HDAC7: variants seen among roughly 807,000 people sequenced by gnomAD.
The protein encoded by HDAC7 is histone deacetylase 7, also known as histone deacetylase 7A.
Under a neutral mutation model 115.5 loss-of-function variants are expected in HDAC7, and 26 were observed. The ratio of observed to expected loss-of-function variants is 0.23; its 90% CI spans 0.16 to 0.31. The LOEUF (loss-of-function observed/expected upper bound fraction) is 0.31. Among genes scored for constraint, HDAC7 ranks in the 10% least tolerant of loss-of-function variants. The pLI, the probability that HDAC7 is intolerant of heterozygous loss-of-function variation, is 1.00. For synonymous variants in HDAC7, 564 were observed against 550.9 expected (o/e 1.02, Z -0.33); for missense variants, 1,068 against 1,329.0 (o/e 0.80, Z 3.05).
At chr12:47,789,791 A>G (rs1592638051) in intron 17 of HDAC7, 22 bp downstream of exon 17, 2 of 1,584,704 alleles carry the variant, frequency 1.3e-6, no homozygotes, top group Admixed American at 1.7e-5. Flanking sequence ...TGGTGTGTCC[A>G]CCTTCAACCC....
At chr12:47,789,759 C>A (rs1011432833) in intron 17 of HDAC7, 54 bp downstream of exon 17, 1 of 1,448,100 alleles carries the variant, frequency 6.9e-7, no homozygotes, top group Non-Finnish European at 9.7e-7. Context: ...TTCCCCACTA[C>A]CCCACTCTGC....
intron 13 of HDAC7, chr12:47,792,979 G>T: frequency 3.7e-6 from 1 of 268,928 alleles, no homozygotes; most frequent in Non-Finnish European, 7.3e-6. Flanking sequence ...GTGGGATACT[G>T]GTTGGTGATT....
At position 47,798,595 on chromosome 12, in the gene HDAC7, G is replaced by T. The variant is rs779766353; in HGVS notation, c.316C>A (p.Arg106=). 6.2e-7 allele frequency: 1 copy of T among 1,614,022 alleles called. No individual in the cohort carries two copies. The highest frequency in any genetic ancestry group is 1.7e-5 in the Admixed American group (1 of 60,014). The change falls in exon 4 of 26, where the codon CGG becomes AGG. Residue 106 remains arginine (R), a synonymous_variant. Transcript: ENST00000080059. This position sits in a 1 kb window ranked among gnomAD's most constrained non-coding sequence, Gnocchi z 4.3. ...LQVGPQEQEL[R]QLLHKDKSKR... ...CTCTTGTCCTTGTGGAGAAGCTGCC[G>T]CAGCTCTTGTTCCTGGGGTCCCACC...
chr12:47,808,602 CAG>C (rs2137043157), intron 1 of HDAC7, among the ~76,000 whole-genome samples: 1 of 152,256 alleles, frequency 6.6e-6, no homozygotes, highest in African/African-American at 2.4e-5. Context: ...CAGAGAAAAA[CAG>C]GGGTCCTCCC....
rs1410658868 is a variant in HDAC7, at chr12:47,791,700, G to T, written c.1819C>A (p.Arg607=). 3.7e-6 allele frequency: 6 copies of T among 1,613,588 alleles called. No homozygotes were observed. The highest frequency in any genetic ancestry group is 5.1e-6 in the Non-Finnish European group (6 of 1,179,908). The change falls in exon 15 of 26, where the codon CGA becomes AGA. Residue 607 remains arginine (R), a synonymous_variant. Coordinates refer to ENST00000080059, the MANE Select transcript of HDAC7 (RefSeq NM_015401.5). ...RGLRSQCECL[R]GRKASLEELQ... ...TCTTCCAGGGAGGCCTTCCGGCCTCGGAGACACTGAAAAGGGGACCACAGA... is the reference window on the plus strand; with the variant it reads ...TCTTCCAGGGAGGCCTTCCGGCCTCTGAGACACTGAAAAGGGGACCACAGA...
At position 47,795,265 on chromosome 12, in the gene HDAC7, G is replaced by C; in HGVS notation, c.1203C>G (p.Pro401=). 6.2e-7 allele frequency: 1 copy of C among 1,612,284 alleles called. No homozygotes were observed. The highest frequency in any genetic ancestry group is 8.5e-7 in the Non-Finnish European group (1 of 1,178,812). Residue 401 remains proline (P), a synonymous_variant, in exon 11 of 26, where the codon CCC becomes CCG. Coordinates refer to ENST00000080059, the MANE Select transcript of HDAC7 (RefSeq NM_015401.5). The surrounding 1 kb of genome is among the most constrained non-coding windows in gnomAD (Gnocchi z 4.3). ...PLSRTRSEPL[P]PSATAPPPPG... is the part of the protein sequence containing the mutation. ...GCGGTGGGGGAGCGGTGGCACTGGG[G>C]GGCAGGGGCTCTGAGCGAGTCCGGC...
At position 47,797,184 on chromosome 12, in the gene HDAC7, C is replaced by T. The variant is rs767068840; in HGVS notation, c.578-42G>A. 1.9e-6 allele frequency: 3 copies of T among 1,560,042 alleles called. No individual in the cohort carries two copies. Among genetic ancestry groups the T allele is most frequent in the Non-Finnish European group, 2.6e-6 (3 of 1,152,314 alleles). ...CGTCACTCAGGCCCCCACCACCCTT[C>T]TTTTTTCCACCCTTTAACCCCTCAG... On this transcript the variant is annotated intron_variant, in intron 6 of 25. Transcript: ENST00000080059. The surrounding 1 kb of genome is among the most constrained non-coding windows in gnomAD (Gnocchi z 5.5).
chr12:47,798,852 G>A lies in HDAC7; in HGVS notation c.191C>T (p.Pro64Leu), dbSNP rs1565569886. 3 of 1,559,058 alleles carry A rather than the reference G, an allele frequency of 1.9e-6. No individual in the cohort carries two copies. The highest frequency in any genetic ancestry group is 2.6e-6 in the Non-Finnish European group (3 of 1,151,556). Residue 64 changes from proline to leucine, a missense_variant, in exon 3 of 26, where the codon CCC becomes CTC. By Grantham distance (98) the Pro-to-Leu change is moderately conservative. This residue lies in a region of HDAC7 where 161 missense variants were observed against 158.5 expected (regional missense o/e 1.02). Transcript: ENST00000080059. This position sits in a 1 kb window ranked among gnomAD's most constrained non-coding sequence, Gnocchi z 4.3. Reference protein sequence around the residue: ...PEPTLLALQRPQRLHHHLFLA... With the variant: ...PEPTLLALQRLQRLHHHLFLA... ...GAAGAGGTGGTGGTGCAGGCGCTGG[G>A]GACGCTGCAGGGCCAGCAATGTGGG...
chr12:47,814,612 C>T (rs546297838), intron 1 of HDAC7, among the ~76,000 whole-genome samples: 2 of 152,346 alleles, frequency 1.3e-5, no homozygotes, highest in South Asian at 2.1e-4. Context: ...GCAGCTCCCC[C>T]TTCTGCTCTC....
chr12:47,807,215 C>T (rs1944443618), intron 1 of HDAC7, among the ~76,000 whole-genome samples: 1 of 152,136 alleles, frequency 6.6e-6, no homozygotes, highest in South Asian at 2.1e-4. Flanking sequence ...GTTAGGATTA[C>T]AGGCGTGAGC....
At position 47,797,499 on chromosome 12, in the gene HDAC7, T is replaced by G; in HGVS notation, c.462A>C (p.Arg154Ser). 6.2e-7 allele frequency: 1 copy of G among 1,607,502 alleles called. No individual in the cohort carries two copies. The highest frequency in any genetic ancestry group is 8.5e-7 in the Non-Finnish European group (1 of 1,176,022). Residue 154 changes from arginine to serine, a missense_variant and splice_region_variant, in exon 6 of 26, where the codon AGA becomes AGC. Physicochemically the swap from Arg to Ser is moderately radical, Grantham distance 110. This residue lies in a region of HDAC7 where 618 missense variants were observed against 701.5 expected (regional missense o/e 0.88). Transcript: ENST00000080059. The surrounding 1 kb of genome is among the most constrained non-coding windows in gnomAD (Gnocchi z 5.5). ...VHPNSPGIPYRTLEPLETEGA... is the reference protein window; with the variant it reads ...VHPNSPGIPYSTLEPLETEGA... ...CTTCCGTCTCCAGGGGCTCCAGGGT[T>G]CTACAGAACGAGTGCCAAGGCTGCT...
chr12:47,791,191 G>A, intron 16 of HDAC7, 68 bp downstream of exon 16: 7 of 1,423,612 alleles, frequency 4.9e-6, no homozygotes, highest in Non-Finnish European at 5.8e-6. Flanking sequence ...GGCTGGGCCT[G>A]GGAGAACCAC....
In HDAC7 at chr12:47,789,584, A is replaced by G. The variant is rs1371906281; in HGVS notation, c.2092-6T>C. On this transcript the variant is annotated splice_polypyrimidine_tract_variant and splice_region_variant and intron_variant, in intron 17 of 25. Transcript: ENST00000080059. Reference sequence around the variant, plus strand: ...CGCACCACAGCGAAACCATTCTGGAAAAAGAAAGAATGCTTGTCAATCAAC... The same window carrying G: ...CGCACCACAGCGAAACCATTCTGGAGAAAGAAAGAATGCTTGTCAATCAAC... 6.2e-7 allele frequency: 1 copy of G among 1,614,112 alleles called. No individual in the cohort carries two copies. Among genetic ancestry groups the G allele is most frequent in the Non-Finnish European group, 8.5e-7 (1 of 1,179,992 alleles).
At chr12:47,791,230 G>A (rs148395734) in intron 16 of HDAC7, 29 bp downstream of exon 16, 109 of 1,575,768 alleles carry the variant, frequency 6.9e-5, no homozygotes, top group Middle Eastern at 5.0e-4. Context: ...CCCTGGCAAC[G>A]CCCCCCTGAG....
rs373701724 is a variant in HDAC7 at position 47,798,270 on chromosome 12, C to T, written c.350-51G>A. ...CTGGAGGTGGGTGGACAGGCGGCCTCGTGGCACTACCTGGCCACTGCCCTG... is the reference window on the plus strand; with the variant it reads ...CTGGAGGTGGGTGGACAGGCGGCCTTGTGGCACTACCTGGCCACTGCCCTG... On this transcript the variant is annotated intron_variant, in intron 4 of 25. Transcript: ENST00000080059. This position sits in a 1 kb window ranked among gnomAD's most constrained non-coding sequence, Gnocchi z 4.3. 1.1e-5 allele frequency: 16 copies of T among 1,396,830 alleles called. No individual in the cohort carries two copies. The East Asian group carries it at 1.6e-4, about 14-fold the overall frequency. The allele number at this position is 1,396,830 out of a possible 1,614,324, so 86.5% of individuals were successfully genotyped here.
chr12:47,795,201 G>A lies in HDAC7; in HGVS notation c.1267C>T (p.His423Tyr). ...MQPRLEQLKT[H>Y]VQVIKRSAKP... ...CCTCTCACCTTGATCACCTGGACGT[G>A]AGTTTTGAGCTGCTCCAGGCGGGGC... Residue 423 changes from histidine to tyrosine, a missense_variant, in exon 11 of 26, where the codon CAC becomes TAC. This residue lies in a region of HDAC7 where 618 missense variants were observed against 701.5 expected (regional missense o/e 0.88). Transcript: ENST00000080059. This position sits in a 1 kb window ranked among gnomAD's most constrained non-coding sequence, Gnocchi z 4.3. 1 of 1,612,808 alleles carries A rather than the reference G, an allele frequency of 6.2e-7. No homozygotes were observed. The highest frequency in any genetic ancestry group is 8.5e-7 in the Non-Finnish European group (1 of 1,179,240).
At chr12:47,785,361 A>G in intron 24 of HDAC7, 26 bp downstream of exon 24, 4 of 1,578,958 alleles carry the variant, frequency 2.5e-6, no homozygotes, top group South Asian at 1.2e-5. Flanking sequence ...GTCTGAGCTC[A>G]GCGAGTGTCC....
intron 1 of HDAC7, among the ~76,000 whole-genome samples, chr12:47,812,375 A>G (rs946912173): frequency 6.6e-6 from 1 of 152,178 alleles, no homozygotes; most frequent in African/African-American, 2.4e-5. Context: ...AACATTCCCT[A>G]TCCCTGACCT....
At position 47,795,130 on chromosome 12, in the gene HDAC7, C is replaced by T. The variant is rs1318829623; in HGVS notation, c.1284+54G>A. ...CTAAGTACCCCTCTTCTTTTGGCCC[C>T]TAAGTCCCCAGTTAAACACTCCCTC... On this transcript the variant is annotated intron_variant, in intron 11 of 25. Transcript: ENST00000080059. This position sits in a 1 kb window ranked among gnomAD's most constrained non-coding sequence, Gnocchi z 4.3. 1 of 1,475,836 alleles carries T rather than the reference C, an allele frequency of 6.8e-7. No homozygotes were observed. Among genetic ancestry groups the T allele is most frequent in the Admixed American group, 1.9e-5 (1 of 53,886 alleles). 91.4% of individuals were successfully genotyped at this position (1,475,836 alleles called of 1,614,324 possible).
Sources: allele counts gnomAD v4.1 joint callset (sites outside exome capture counted in the v4.1 genomes callset), GRCh38; gene constraint gnomAD v4.1.1; regional missense constraint gnomAD v4.1.1; non-coding constraint Gnocchi (gnomAD v3.1); transcripts MANE v1.5; gene names NCBI Gene and HGNC (gene_info 2026-07-23, HGNC 2026-07-21).